OR9Q1: variants seen among roughly 807,000 people sequenced by gnomAD.
OR9Q1 encodes the protein olfactory receptor 9Q1.
For missense variants in OR9Q1, 374 were observed against 378.8 expected (o/e 0.99, Z 0.11); for synonymous variants, 153 against 148.6 (o/e 1.03, Z -0.22).
intron 2 of OR9Q1, among the ~76,000 whole-genome samples, chr11:58,161,371 C>CAG (rs924897585): frequency 1.3e-5 from 2 of 151,268 alleles, no homozygotes; most frequent in Non-Finnish European, 2.9e-5. Context: ...CAGAAAGAGA[C>CAG]AGAGAGAGAG....
intron 1 of OR9Q1, among the ~76,000 whole-genome samples, chr11:58,054,458 T>C (rs1317278524): frequency 2.6e-5 from 4 of 152,192 alleles, no homozygotes; most frequent in Non-Finnish European, 5.9e-5. Context: ...TTTTTACCAA[T>C]ACCAATACCA....
intron 2 of OR9Q1, among the ~76,000 whole-genome samples, chr11:58,057,347 G>C (rs1218661258): frequency 6.6e-6 from 1 of 152,122 alleles, no homozygotes; most frequent in Non-Finnish European, 1.5e-5. Context: ...CGAACACAGA[G>C]AAGGCTGATG....
At chr11:58,089,668 G>GT (rs1853666135) in intron 2 of OR9Q1, among the ~76,000 whole-genome samples, 1 of 151,800 alleles carries the variant, frequency 6.6e-6, no homozygotes, top group Admixed American at 6.6e-5. Context: ...ATTTAAAGTA[G>GT]TTTTTTTCTA....
intron 2 of OR9Q1, among the ~76,000 whole-genome samples, chr11:58,092,489 G>A (rs750301927): frequency 1.8e-4 from 28 of 151,940 alleles, no homozygotes; most frequent in Non-Finnish European, 3.5e-4. Context: ...AAAAATGATT[G>A]TTGCTATCAA....
intron 2 of OR9Q1, among the ~76,000 whole-genome samples, chr11:58,091,891 G>A (rs552717758): frequency 2.0e-5 from 3 of 151,742 alleles, no homozygotes; most frequent in South Asian, 4.1e-4. Context: ...TTACCATTAT[G>A]TAATACCCTT....
At chr11:58,097,446 T>C (rs1202862636) in intron 2 of OR9Q1, among the ~76,000 whole-genome samples, 1 of 152,246 alleles carries the variant, frequency 6.6e-6, no homozygotes, top group Non-Finnish European at 1.5e-5. Context: ...CAATTTTATA[T>C]GGACCATGCC....
At chr11:58,037,741 C>T (rs1048565820) in intron 1 of OR9Q1, among the ~76,000 whole-genome samples, 5 of 73,960 alleles carry the variant, frequency 6.8e-5, no homozygotes, top group South Asian at 4.8e-4. Flanking sequence ...TTTTTTGAGA[C>T]GGAGTCTCAC....
chr11:58,125,231 T>TC (rs1854077681), intron 2 of OR9Q1: 1 of 47,534 alleles, frequency 2.1e-5, no homozygotes, highest in Non-Finnish European at 3.9e-5. Context: ...ATTCCCCCCT[T>TC]ACCCACCGCC....
chr11:58,030,383 C>T (rs1333026733), intron 1 of OR9Q1, among the ~76,000 whole-genome samples: 1 of 152,132 alleles, frequency 6.6e-6, no homozygotes, highest in African/African-American at 2.4e-5. Flanking sequence ...AGATTTCCCC[C>T]TTGACATTTA....
intron 2 of OR9Q1, among the ~76,000 whole-genome samples, chr11:58,066,673 C>A (rs896300): frequency 0.67 from 101,716 of 151,908 alleles, 34,505 homozygotes; most frequent in Middle Eastern, 0.79. Context: ...GCAGAGACAG[C>A]CCCAGGGTAT....
At chr11:58,139,409 A>G (rs1854221703) in intron 2 of OR9Q1, among the ~76,000 whole-genome samples, 1 of 151,952 alleles carries the variant, frequency 6.6e-6, no homozygotes, top group African/African-American at 2.4e-5. Flanking sequence ...CATTAGGTAT[A>G]TCTCCTAATG....
intron 2 of OR9Q1, among the ~76,000 whole-genome samples, chr11:58,177,811 ATGAGAAAATATTAAACCTTTACCATG>A (rs1854619770): frequency 6.6e-6 from 1 of 152,196 alleles, no homozygotes; most frequent in African/African-American, 2.4e-5. Context: ...ACTTTATTCC[ATGAGAAAATATTAAACCTTTACCATG>A]TGCTGAGCTC....
intron 2 of OR9Q1, among the ~76,000 whole-genome samples, chr11:58,091,969 CT>C (rs201459900): frequency 7.4e-4 from 105 of 141,276 alleles, no homozygotes; most frequent in East Asian, 8.2e-4. Context: ...CAACCCTTGC[CT>C]TTTTTTTTTT....
chr11:58,093,669 A>G (rs1359348172), intron 2 of OR9Q1, among the ~76,000 whole-genome samples: 1 of 146,290 alleles, frequency 6.8e-6, no homozygotes, highest in African/African-American at 2.5e-5. Context: ...CTGAGGCAGG[A>G]GAATTGCTTG....
chr11:58,054,658 G>T (rs1422317670), intron 1 of OR9Q1, among the ~76,000 whole-genome samples: 1 of 152,212 alleles, frequency 6.6e-6, no homozygotes, highest in African/African-American at 2.4e-5. Context: ...TTGAGGCCAG[G>T]TGTGGCGGCT....
Position 58,179,008 on chromosome 11 carries a change from A to AGAGAG in OR9Q1, c.-14-423_-14-422insGAGAG, listed in dbSNP as rs1554973091. On this transcript the variant is annotated intron_variant, in intron 2 of 2. Transcript: ENST00000335397. ...TATTATAGAGAGAGAGAGAGAAAGA[A>AGAGAG]AGAAAGAGAGAGAGAGAGAGAGAGA... is the stretch of plus-strand genomic sequence containing the variant. Among the ~76,000 whole-genome samples the AGAGAG allele has an allele frequency of 2.4e-3, 219 of 90,612 alleles. 3 individuals carry two copies. The highest frequency in any genetic ancestry group is 6.2e-3 in the African/African-American group (189 of 30,472). The allele number at this position is 90,612 out of a possible 152,430, so 59.4% of individuals were successfully genotyped here.
chr11:58,048,046 G>T (rs1452765749), intron 1 of OR9Q1, among the ~76,000 whole-genome samples: 3 of 152,182 alleles, frequency 2.0e-5, no homozygotes, highest in Non-Finnish European at 4.4e-5. Flanking sequence ...GTAGGGAAGT[G>T]AAAGACAAGA....
intron 1 of OR9Q1, chr11:58,044,000 T>A (rs1853191932): frequency 6.6e-6 from 1 of 152,176 alleles, no homozygotes; most frequent in Non-Finnish European, 1.5e-5. Context: ...ATGAATGACA[T>A]CTTAGTAAAA....
At chr11:58,178,327 T>C (rs1360454604) in intron 2 of OR9Q1, among the ~76,000 whole-genome samples, 2 of 152,206 alleles carry the variant, frequency 1.3e-5, no homozygotes, top group African/African-American at 2.4e-5. Flanking sequence ...TTACAAATTA[T>C]ATGGATGCGT....
Sources: gnomAD v4.1 joint callset for allele counts (sites outside exome capture counted in the v4.1 genomes callset) on GRCh38, gnomAD v4.1.1 for gene constraint, MANE v1.5 for transcripts, NCBI Gene and HGNC (gene_info 2026-07-23, HGNC 2026-07-21) for gene names.